TAF3: variants seen among roughly 807,000 people sequenced by gnomAD.
The protein encoded by TAF3 is transcription initiation factor TFIID subunit 3.
A neutral mutation model predicts 80.6 loss-of-function variants in TAF3; 7 were observed. The ratio of observed to expected loss-of-function variants is 0.09; its 90% CI spans 0.05 to 0.16. The LOEUF is 0.16. Among genes scored for constraint, TAF3 ranks in the 10% least tolerant of loss-of-function variants. The pLI is 1.00. For synonymous variants in TAF3, 444 were observed against 446.1 expected, an observed-to-expected ratio of 1.00 and a Z score of 0.06; for missense variants, 921 against 1,140.2, an observed-to-expected ratio of 0.81 and a Z score of 2.77.
At position 7,998,850 on chromosome 10, in the gene TAF3, G is replaced by GA. The variant is rs769484891; in HGVS notation, c.2316-10219dup. 9.8e-3 allele frequency among the ~76,000 whole-genome samples: 1,452 copies of GA among 147,422 alleles called. 16 individuals are homozygous for GA. The highest frequency in any genetic ancestry group is 0.018 in the Non-Finnish European group (1,171 of 66,374). On this transcript the variant is annotated intron_variant, in intron 4 of 6. Coordinates refer to ENST00000344293, the MANE Select transcript of TAF3 (RefSeq NM_031923.4). ...TGAGACTCCATCTCAAAAAAAAAAA[G>GA]AAAAAAAAAGAAAGAAATGTAGGGA...
intron 2 of TAF3, among the ~76,000 whole-genome samples, chr10:7,855,822 C>T (rs1256887487): frequency 6.6e-6 from 1 of 151,906 alleles, no homozygotes; most frequent in African/African-American, 2.4e-5. Flanking sequence ...TGGCTCACAC[C>T]TGTAATCCCA....
chr10:7,914,280 G>A (rs1288627050), intron 2 of TAF3, among the ~76,000 whole-genome samples: 2 of 152,190 alleles, frequency 1.3e-5, no homozygotes, highest in East Asian at 1.9e-4. Flanking sequence ...AAACGATGTC[G>A]GGGTAAGAGG....
chr10:7,891,371 A>T (rs78313733), intron 2 of TAF3, among the ~76,000 whole-genome samples: 1,667 of 152,298 alleles, frequency 0.011, 19 homozygotes, highest in Middle Eastern at 0.031. Flanking sequence ...GCCACTTTTT[A>T]AAAAAACCTA....
intron 2 of TAF3, among the ~76,000 whole-genome samples, chr10:7,927,555 G>A (rs1425084424): frequency 1.3e-5 from 2 of 152,082 alleles, no homozygotes; most frequent in Non-Finnish European, 2.9e-5. Context: ...TGTAGATAAC[G>A]TGGAATCAGA....
chr10:7,913,254 TTGGGAGGACA>T (rs1837674582), intron 2 of TAF3, among the ~76,000 whole-genome samples: 5 of 152,078 alleles, frequency 3.3e-5, no homozygotes, highest in Admixed American at 2.0e-4. Context: ...GTATGAAGTG[TTGGGAGGACA>T]TGGGAGGACA....
intron 3 of TAF3, among the ~76,000 whole-genome samples, chr10:7,972,605 C>T (rs1757200783): frequency 6.6e-6 from 1 of 152,214 alleles, no homozygotes; most frequent in Admixed American, 6.5e-5. Flanking sequence ...AACCAGTTGA[C>T]TGAATACCTG....
At chr10:7,934,185 A>C (rs989202048) in intron 2 of TAF3, among the ~76,000 whole-genome samples, 7 of 152,194 alleles carry the variant, frequency 4.6e-5, no homozygotes, top group African/African-American at 1.7e-4. Context: ...TAACCAACTT[A>C]CTTCACTTTT....
intron 4 of TAF3, among the ~76,000 whole-genome samples, chr10:8,002,817 G>GT (rs930261081): frequency 4.6e-5 from 7 of 152,204 alleles, no homozygotes; most frequent in Middle Eastern, 6.8e-3. Context: ...AGATTCATCT[G>GT]TTTCTTACTG....
chr10:7,826,564 A>G (rs1160416681), intron 2 of TAF3, among the ~76,000 whole-genome samples: 1 of 152,192 alleles, frequency 6.6e-6, no homozygotes. Flanking sequence ...ATTTAGTTTT[A>G]TGCAAACAAT....
At chr10:7,854,790 A>G (rs947306355) in intron 2 of TAF3, among the ~76,000 whole-genome samples, 1 of 152,182 alleles carries the variant, frequency 6.6e-6, no homozygotes, top group Non-Finnish European at 1.5e-5. Context: ...CCATACGTAG[A>G]TCAGTAGTAT....
At chr10:7,996,645 G>GA (rs1564380026) in intron 4 of TAF3, among the ~76,000 whole-genome samples, 1 of 151,316 alleles carries the variant, frequency 6.6e-6, no homozygotes, top group African/African-American at 2.4e-5. Context: ...TGTGAGGGGG[G>GA]TTTTTTTTGT....
intron 4 of TAF3, among the ~76,000 whole-genome samples, chr10:8,004,916 A>G (rs1275541232): frequency 1.3e-5 from 2 of 152,220 alleles, no homozygotes; most frequent in Non-Finnish European, 2.9e-5. Context: ...TGCACTAATT[A>G]GACCTTTTAT....
chr10:7,875,094 A>C (rs959855672), intron 2 of TAF3, among the ~76,000 whole-genome samples: 3 of 152,196 alleles, frequency 2.0e-5, no homozygotes, highest in Admixed American at 2.0e-4. Flanking sequence ...TAATTGAAAT[A>C]AGGAGACTGA....
chr10:7,871,038 T>C lies in TAF3; in HGVS notation c.409+46478T>C, dbSNP rs1426461418. On this transcript the variant is annotated intron_variant, in intron 2 of 6. Transcript: ENST00000344293. ...GAAAGACAACGGAAAATTTTTAGTC[T>C]AGACATAACAGTTTATTTTTGCTAG... 2.6e-5 allele frequency among the ~76,000 whole-genome samples: 4 copies of C among 152,198 alleles called. No homozygotes were observed. In the East Asian group the frequency reaches 7.7e-4, roughly 29 times the overall value.
intron 4 of TAF3, among the ~76,000 whole-genome samples, chr10:7,988,306 G>A (rs764488867): frequency 2.0e-5 from 3 of 151,710 alleles, no homozygotes; most frequent in Non-Finnish European, 2.9e-5. Context: ...AAAGATATCC[G>A]GGGCTGGGCA....
chr10:7,856,467 C>T (rs1471139223), intron 2 of TAF3, among the ~76,000 whole-genome samples: 1 of 152,092 alleles, frequency 6.6e-6, no homozygotes, highest in East Asian at 1.9e-4. Context: ...GCAGATGACA[C>T]AGGACTTCAT....
intron 2 of TAF3, among the ~76,000 whole-genome samples, chr10:7,861,253 G>A (rs1392747100): frequency 1.3e-5 from 2 of 152,036 alleles, no homozygotes; most frequent in South Asian, 2.1e-4. Context: ...GTGAGCCACC[G>A]CATCCGGCCC....
chr10:8,010,630 G>A (rs542228556), intron 5 of TAF3, among the ~76,000 whole-genome samples: 1 of 152,348 alleles, frequency 6.6e-6, no homozygotes, highest in Admixed American at 6.5e-5. Context: ...AAACCAGCTG[G>A]ACGCAGTGGC....
intron 2 of TAF3, among the ~76,000 whole-genome samples, chr10:7,885,038 T>C (rs1009466692): frequency 2.0e-5 from 3 of 152,016 alleles, no homozygotes; most frequent in Admixed American, 1.3e-4. Context: ...TAGTCAAAAC[T>C]TTGTGTTCAC....
Sources: allele counts gnomAD v4.1 joint callset (sites outside exome capture counted in the v4.1 genomes callset), GRCh38; gene constraint gnomAD v4.1.1; transcripts MANE v1.5; gene names NCBI Gene and HGNC (gene_info 2026-07-23, HGNC 2026-07-21).